TENT5D: variants seen among roughly 807,000 people sequenced by gnomAD.
TENT5D encodes the protein cancer/testis antigen 112.
For synonymous variants in TENT5D, 103 were observed against 100.6 expected (o/e 1.02, Z -0.15); for missense variants, 191 against 287.0 (o/e 0.67, Z 2.42).
At chrX:80,412,352 A>T (rs1315828033) in intron 3 of TENT5D, among the ~76,000 whole-genome samples, 1 of 112,405 alleles carries the variant, frequency 8.9e-6, no homozygotes. Flanking sequence ...TGGCCTGGAG[A>T]CATTTTCCCT....
chrX:80,410,662 C>T (rs1373898044), intron 3 of TENT5D, among the ~76,000 whole-genome samples: 1 of 102,687 alleles, frequency 9.7e-6, no homozygotes, highest in Non-Finnish European at 2.0e-5. Flanking sequence ...TAAACTAGTT[C>T]AACCATTGTG....
chrX:80,355,525 A>G (rs1425750370), intron 3 of TENT5D, among the ~76,000 whole-genome samples: 3 of 111,969 alleles, frequency 2.7e-5, no homozygotes, highest in Non-Finnish European at 3.8e-5. Flanking sequence ...GGCTCTGCAC[A>G]GGCTGGAATT....
chrX:80,429,482 T>C (rs1001126892), intron 1 of TENT5D, among the ~76,000 whole-genome samples: 1 of 109,383 alleles, frequency 9.1e-6, no homozygotes, highest in Non-Finnish European at 1.9e-5. Context: ...TTTTTTTTTT[T>C]AGTAGAGACA....
chrX:80,354,329 C>T (rs1012753485), intron 3 of TENT5D, among the ~76,000 whole-genome samples: 3 of 111,457 alleles, frequency 2.7e-5, no homozygotes, highest in African/African-American at 9.8e-5. Context: ...TCTTTCAGGA[C>T]GGCCAGTGAA....
chrX:80,435,025 C>T (rs1213730203), intron 1 of TENT5D, among the ~76,000 whole-genome samples: 2 of 110,207 alleles, frequency 1.8e-5, no homozygotes, highest in Admixed American at 9.7e-5. Flanking sequence ...CCTCATGATC[C>T]GCCCGCCTCA....
At chrX:80,421,340 C>A (rs972698757) in intron 1 of TENT5D, among the ~76,000 whole-genome samples, 4 of 111,227 alleles carry the variant, frequency 3.6e-5, no homozygotes, top group African/African-American at 9.8e-5. Context: ...CATGCACCAC[C>A]ACACCCAGCT....
chrX:80,375,809 TAC>T (rs1930713592), intron 3 of TENT5D, among the ~76,000 whole-genome samples: 2 of 111,784 alleles, frequency 1.8e-5, no homozygotes, highest in Non-Finnish European at 3.8e-5. Flanking sequence ...GTATCTAGCC[TAC>T]AGAGTTCTGA....
At chrX:80,419,400 C>A (rs943870492), upstream of TENT5D, among the ~76,000 whole-genome samples, 4 of 111,649 alleles carry the variant, frequency 3.6e-5, no homozygotes, top group African/African-American at 1.3e-4. Context: ...GAGTAGGTAT[C>A]TTGTTTTACC....
intron 3 of TENT5D, among the ~76,000 whole-genome samples, chrX:80,344,654 A>G (rs1263811219): frequency 9.0e-6 from 1 of 110,755 alleles, no homozygotes; most frequent in Non-Finnish European, 1.9e-5. Context: ...TTGAACTTCA[A>G]TAACTTTGAT....
chrX:80,372,874 G>A (rs1318041418), intron 3 of TENT5D, among the ~76,000 whole-genome samples: 30 of 87,717 alleles, frequency 3.4e-4, no homozygotes, highest in African/African-American at 8.0e-4. Flanking sequence ...GCAACAGAGC[G>A]AGACTCTATC....
exon 3 of TENT5D, chrX:80,443,711 A>G: frequency 8.6e-7 from 1 of 1,156,844 alleles, no homozygotes; most frequent in Non-Finnish European, 1.2e-6. Flanking sequence ...ATGAGTTAAA[A>G]AATACACATG....
chrX:80,391,230 A>G, intron 3 of TENT5D, among the ~76,000 whole-genome samples: 1 of 111,823 alleles, frequency 8.9e-6, no homozygotes, highest in Non-Finnish European at 1.9e-5. Flanking sequence ...AGAAATTGCC[A>G]TAAGAAAGCA....
At chrX:80,416,006 C>G (rs1931765078), upstream of TENT5D, among the ~76,000 whole-genome samples, 1 of 111,101 alleles carries the variant, frequency 9.0e-6, no homozygotes, top group Admixed American at 9.6e-5. Flanking sequence ...GAGTTTATTC[C>G]TGGTTCAATC....
intron 3 of TENT5D, among the ~76,000 whole-genome samples, chrX:80,364,051 AT>A (rs1930459686): frequency 8.9e-6 from 1 of 112,291 alleles, no homozygotes; most frequent in Non-Finnish European, 1.9e-5. Flanking sequence ...TCTAGAACTT[AT>A]TCATCTTATA....
chrX:80,397,065 C>T (rs1278684556), intron 3 of TENT5D, among the ~76,000 whole-genome samples: 2 of 94,634 alleles, frequency 2.1e-5, no homozygotes, highest in Non-Finnish European at 2.1e-5. Context: ...GGGTGGCTGC[C>T]GGGCGGAGAT....
chrX:80,378,414 T>A (rs897975020), intron 3 of TENT5D, among the ~76,000 whole-genome samples: 2 of 111,818 alleles, frequency 1.8e-5, no homozygotes, highest in African/African-American at 6.5e-5. Flanking sequence ...AATTTTTGTA[T>A]AAGGGGTAAG....
Position 80,443,707 on chromosome X carries a change from T to TA in TENT5D, c.*4dup, listed in dbSNP as rs1436972961. ...CTTTCGTGGATCAAATGGTATGAGT[T>TA]AAAAAATACACATGCAACCATAGAA... Residue 390 remains the stop codon, a frameshift_variant and stop_retained_variant, in exon 3 of 3, where the codon TAA becomes TAAA. Transcript: ENST00000308293. LOFTEE classifies it high-confidence loss of function. 3.4e-6 allele frequency: 4 copies of TA among 1,159,937 alleles called. No individual in the cohort carries two copies. Among genetic ancestry groups the TA allele is most frequent in the South Asian group, 4.0e-5 (2 of 49,385 alleles).
At chrX:80,419,205 T>C (rs1931835464), upstream of TENT5D, among the ~76,000 whole-genome samples, 2 of 111,781 alleles carry the variant, frequency 1.8e-5, no homozygotes, top group Admixed American at 1.9e-4. Context: ...TAAAAACTTA[T>C]ATTCAGTATT....
At chrX:80,392,278 TAAA>T (rs1931143038) in intron 3 of TENT5D, among the ~76,000 whole-genome samples, 1 of 109,962 alleles carries the variant, frequency 9.1e-6, no homozygotes, top group Non-Finnish European at 1.9e-5. Flanking sequence ...AATAATCTCT[TAAA>T]GAAGGATTTA....
Sources: gnomAD v4.1 joint callset for allele counts (sites outside exome capture counted in the v4.1 genomes callset) on GRCh38, gnomAD v4.1.1 for gene constraint, MANE v1.5 for transcripts, NCBI Gene and HGNC (gene_info 2026-07-23, HGNC 2026-07-21) for gene names.